The following PTPRG variants were observed in gnomAD, a reference collection of about 807,000 sequenced individuals.
PTPRG encodes the protein receptor-type tyrosine-protein phosphatase gamma.
PTPRG carries 102 observed loss-of-function variants against 165.3 expected under a neutral mutation model. That is an observed-to-expected ratio of 0.62 (90% CI 0.53 to 0.73). The LOEUF is 0.73. PTPRG is among the 30% of genes least tolerant of loss of function. The pLI is 0.00. For missense variants in PTPRG, 1,866 were observed against 1,861.4 expected (o/e 1.00, Z -0.05); for synonymous variants, 675 against 669.5 (o/e 1.01, Z -0.13).
Position 62,287,272 on chromosome 3 carries a change from CT to C in PTPRG, c.4055+4411del, listed in dbSNP as rs543574372. Among the ~76,000 whole-genome samples the C allele has an allele frequency of 2.0e-3, 303 of 151,950 alleles. 1 individual carries two copies. Among genetic ancestry groups the C allele is most frequent in the African/African-American group, 7.0e-3 (292 of 41,488 alleles). ...TCCTAAACAAAATCAGTACAAATGACTTTTTTTTAATACCATGCTAAAATGA... is the reference window on the plus strand; with the variant it reads ...TCCTAAACAAAATCAGTACAAATGACTTTTTTTAATACCATGCTAAAATGA... On this transcript the variant is annotated intron_variant, in intron 28 of 29. Coordinates refer to ENST00000474889, the MANE Select transcript of PTPRG (RefSeq NM_002841.4).
intron 1 of PTPRG, among the ~76,000 whole-genome samples, chr3:61,671,751 G>A (rs1191947161): frequency 4.2e-5 from 6 of 143,508 alleles, no homozygotes; most frequent in Non-Finnish European, 7.7e-5. Context: ...TGGACGGGGC[G>A]GCTGGCCGGG....
intron 27 of PTPRG, 44 bp from the exon 28 acceptor site, chr3:62,282,683 G>A: frequency 1.3e-6 from 2 of 1,564,624 alleles, no homozygotes; most frequent in Non-Finnish European, 1.7e-6. Context: ...TTGTAGATAT[G>A]TGAAATAAAG....
At chr3:61,681,217 G>A (rs1049943559) in intron 1 of PTPRG, among the ~76,000 whole-genome samples, 8 of 152,192 alleles carry the variant, frequency 5.3e-5, no homozygotes, top group East Asian at 1.9e-4. Flanking sequence ...TTCACTCTGC[G>A]TTTAGAATAA....
intron 4 of PTPRG, among the ~76,000 whole-genome samples, chr3:62,012,215 CTG>C (rs1442809157): frequency 7.9e-5 from 12 of 152,312 alleles, no homozygotes; most frequent in African/African-American, 2.4e-4. Flanking sequence ...GATGGAAAGA[CTG>C]AGCTTCTGCA....
At chr3:61,736,969 T>C (rs745521518) in intron 1 of PTPRG, among the ~76,000 whole-genome samples, 4 of 152,162 alleles carry the variant, frequency 2.6e-5, no homozygotes, top group Non-Finnish European at 4.4e-5. Context: ...CTTAAGTTCC[T>C]TTAAGGTCCT....
intron 4 of PTPRG, among the ~76,000 whole-genome samples, chr3:62,029,587 A>G (rs1428829301): frequency 1.3e-5 from 2 of 152,242 alleles, no homozygotes; most frequent in Admixed American, 6.5e-5. Context: ...GATGCTGTCC[A>G]CATTTTAAAA....
chr3:62,112,624 A>G (rs571810362), intron 5 of PTPRG, among the ~76,000 whole-genome samples: 3 of 152,372 alleles, frequency 2.0e-5, no homozygotes, highest in East Asian at 1.9e-4. Flanking sequence ...GATTGCTTCT[A>G]GCATTTGAGG....
intron 2 of PTPRG, among the ~76,000 whole-genome samples, chr3:61,958,982 G>C (rs1165644513): frequency 6.6e-6 from 1 of 152,176 alleles, no homozygotes; most frequent in Non-Finnish European, 1.5e-5. Context: ...TTCTGGGAAA[G>C]TCCTAGGAGC....
At chr3:61,988,318 TG>T (rs1372713092) in intron 2 of PTPRG, among the ~76,000 whole-genome samples, 1 of 152,164 alleles carries the variant, frequency 6.6e-6, no homozygotes, top group African/African-American at 2.4e-5. Context: ...ATACTTTCTG[TG>T]ATTGTCCCAT....
chr3:62,044,876 T>A (rs1377656263), intron 4 of PTPRG, among the ~76,000 whole-genome samples: 3 of 152,158 alleles, frequency 2.0e-5, no homozygotes, highest in African/African-American at 7.2e-5. Context: ...ACTTGATGGA[T>A]TTTATTATGT....
At chr3:61,644,891 A>G (rs1243560670) in intron 1 of PTPRG, among the ~76,000 whole-genome samples, 1 of 152,204 alleles carries the variant, frequency 6.6e-6, no homozygotes, top group Non-Finnish European at 1.5e-5. Flanking sequence ...AAATCCAACA[A>G]GAAAAGAAGG....
chr3:62,064,513 T>G (rs977446058), intron 4 of PTPRG, among the ~76,000 whole-genome samples: 1 of 151,988 alleles, frequency 6.6e-6, no homozygotes, highest in Non-Finnish European at 1.5e-5. Context: ...CCTCCGTAGG[T>G]TCTACCATTC....
intron 2 of PTPRG, among the ~76,000 whole-genome samples, chr3:61,868,588 G>A (rs2037474854): frequency 6.6e-6 from 1 of 152,118 alleles, no homozygotes; most frequent in African/African-American, 2.4e-5. Context: ...CCTTGTGTGA[G>A]TTTGATTTTA....
intron 1 of PTPRG, among the ~76,000 whole-genome samples, chr3:61,660,994 C>G (rs1284640931): frequency 5.9e-5 from 9 of 152,134 alleles, no homozygotes; most frequent in Non-Finnish European, 1.0e-4. Context: ...TAGAGTGAGA[C>G]TCCATCTCAA....
At chr3:62,063,086 T>C (rs1458397373) in intron 4 of PTPRG, among the ~76,000 whole-genome samples, 1 of 152,226 alleles carries the variant, frequency 6.6e-6, no homozygotes, top group Non-Finnish European at 1.5e-5. Flanking sequence ...ATCTCAATTT[T>C]GCATATTTGG....
chr3:61,972,015 A>G (rs545684664), intron 2 of PTPRG, among the ~76,000 whole-genome samples: 8 of 152,394 alleles, frequency 5.2e-5, no homozygotes, highest in African/African-American at 1.9e-4. Flanking sequence ...TGAGTGAACA[A>G]TAGACAATAT....
At chr3:61,740,605 T>G (rs2032939198) in intron 1 of PTPRG, among the ~76,000 whole-genome samples, 1 of 152,150 alleles carries the variant, frequency 6.6e-6, no homozygotes. Context: ...ATAGAGGACT[T>G]CAGTATTTTG....
Position 62,267,490 on chromosome 3 carries a change from G to T in PTPRG, c.2737G>T (p.Asp913Tyr). 6.2e-7 allele frequency: 1 copy of T among 1,606,156 alleles called. No homozygotes were observed. Among genetic ancestry groups the T allele is most frequent in the Non-Finnish European group, 8.5e-7 (1 of 1,174,458 alleles). The change falls in exon 18 of 30, where the codon GAT (aspartate) becomes TAT (tyrosine). Residue 913 changes from aspartate to tyrosine, a missense_variant and splice_region_variant. Asp to Tyr is a radical substitution (Grantham distance 160). Coordinates refer to ENST00000474889, the MANE Select transcript of PTPRG (RefSeq NM_002841.4). ...HSDYINANYV[D>Y]GYNKAKAYIA... ...CGACTACATTAATGCAAACTATGTT[G>T]ATGTAAGTCAGAACTGTTATTATAA...
intron 2 of PTPRG, among the ~76,000 whole-genome samples, chr3:61,934,774 G>T (rs1465275473): frequency 6.6e-6 from 1 of 152,108 alleles, no homozygotes; most frequent in Non-Finnish European, 1.5e-5. Context: ...TTAAACTTGG[G>T]TGGCCAGCAG....
Sources: gnomAD v4.1 joint callset for allele counts (sites outside exome capture counted in the v4.1 genomes callset) on GRCh38, gnomAD v4.1.1 for gene constraint, MANE v1.5 for transcripts, NCBI Gene and HGNC (gene_info 2026-07-23, HGNC 2026-07-21) for gene names.